Variants in MTMR12 observed in about 807,000 individuals in gnomAD.
MTMR12 encodes the protein myotubularin-related protein 12.
Under a neutral mutation model 96.7 loss-of-function variants are expected in MTMR12, and 33 were observed. The observed-to-expected ratio is 0.34, with a 90% CI of 0.26 to 0.46. The LOEUF (loss-of-function observed/expected upper bound fraction) is 0.46. Among genes scored for constraint, MTMR12 ranks in the 20% least tolerant of loss-of-function variants. The probability of loss-of-function intolerance (pLI) is 1.00; values close to 1 mark genes in which losing one functional copy is unlikely to be tolerated. For missense variants in MTMR12, 721 were observed against 896.1 expected (o/e 0.80, Z 2.49); for synonymous variants, 298 against 327.2 (o/e 0.91, Z 0.96).
intron 1 of MTMR12, among the ~76,000 whole-genome samples, chr5:32,283,544 T>C (rs1750393472): frequency 6.6e-6 from 1 of 152,186 alleles, no homozygotes; most frequent in African/African-American, 2.4e-5. Context: ...AGTCAAACCC[T>C]GTGCGCAGTC....
intron 8 of MTMR12, 88 bp from the exon 9 acceptor site, chr5:32,248,966 A>C (rs1748804754): frequency 1.0e-6 from 1 of 957,458 alleles, no homozygotes; most frequent in Non-Finnish European, 1.7e-6. Context: ...CATACAGGGA[A>C]ATCTGTAACT....
At chr5:32,288,449 CCT>C (rs937813133) in intron 1 of MTMR12, among the ~76,000 whole-genome samples, 6 of 152,128 alleles carry the variant, frequency 3.9e-5, no homozygotes, top group Non-Finnish European at 5.9e-5. Context: ...CCCCAACACC[CCT>C]GTTTGCTTCT....
chr5:32,243,491 A>G, intron 11 of MTMR12, 30 bp downstream of exon 11: 1 of 1,527,184 alleles, frequency 6.5e-7, no homozygotes, highest in South Asian at 1.1e-5. Context: ...CAATTACAAA[A>G]TTCATGAGTA....
chr5:32,311,687 T>C (rs908214853), intron 1 of MTMR12, among the ~76,000 whole-genome samples: 1 of 152,256 alleles, frequency 6.6e-6, no homozygotes, highest in Non-Finnish European at 1.5e-5. Flanking sequence ...CTACAAGTTC[T>C]GATCTCTCTA....
chr5:32,257,900 G>A (rs1463274866), intron 7 of MTMR12, among the ~76,000 whole-genome samples: 1 of 151,878 alleles, frequency 6.6e-6, no homozygotes, highest in Non-Finnish European at 1.5e-5. Flanking sequence ...AATCCCCCTC[G>A]CTACTAAAAA....
At chr5:32,284,276 C>A (rs1263888443) in intron 1 of MTMR12, among the ~76,000 whole-genome samples, 1 of 144,798 alleles carries the variant, frequency 6.9e-6, no homozygotes, top group Non-Finnish European at 1.5e-5. Flanking sequence ...TATGATTGCA[C>A]CACTGTACTC....
chr5:32,312,470 C>T lies in MTMR12; in HGVS notation c.81+288G>A, dbSNP rs2111565317. ...CACAACCCCAGGTCCTCTCCAGAAT[C>T]CCCAGGGGCGTTCCGGGCCGCAATC... On this transcript the variant is annotated intron_variant, in intron 1 of 15. Transcript: ENST00000382142. This position sits in a 1 kb window ranked among gnomAD's most constrained non-coding sequence, Gnocchi z 5.0. 6.6e-6 allele frequency among the ~76,000 whole-genome samples: 1 copy of T among 152,350 alleles called. No homozygotes were observed. The highest frequency in any genetic ancestry group is 2.1e-4 in the South Asian group (1 of 4,834).
chr5:32,257,109 C>T (rs986034463), intron 7 of MTMR12, among the ~76,000 whole-genome samples: 4 of 151,970 alleles, frequency 2.6e-5, no homozygotes, highest in Middle Eastern at 3.2e-3. Context: ...GGGAGGGCTG[C>T]TTGAGGCCAG....
At chr5:32,271,790 C>T in intron 4 of MTMR12, 43 bp downstream of exon 4, 1 of 1,212,620 alleles carries the variant, frequency 8.2e-7, no homozygotes, top group Non-Finnish European at 1.1e-6. Flanking sequence ...ATCACCTATA[C>T]TCTCAAAGGT....
rs1156699840 is a variant in MTMR12 at position 32,239,178 on chromosome 5, G to C, written c.1172-5C>G. 1 of 1,577,302 alleles carries C rather than the reference G, an allele frequency of 6.3e-7. No homozygotes were observed. The highest frequency in any genetic ancestry group is 1.8e-5 in the Admixed American group (1 of 56,766). On this transcript the variant is annotated splice_region_variant and splice_polypyrimidine_tract_variant and intron_variant, in intron 12 of 15. Coordinates refer to ENST00000382142, the MANE Select transcript of MTMR12 (RefSeq NM_001040446.3). ...AGAGGTCGGATGCATTCTCCTCTAGGAGAGGCCCCAGCAGCAGTGCAAAGA... is the reference window on the plus strand; with the variant it reads ...AGAGGTCGGATGCATTCTCCTCTAGCAGAGGCCCCAGCAGCAGTGCAAAGA...
At chr5:32,244,263 AGT>A (rs1257102526) in intron 10 of MTMR12, among the ~76,000 whole-genome samples, 1 of 150,242 alleles carries the variant, frequency 6.7e-6, no homozygotes, top group African/African-American at 2.5e-5. Context: ...TTGGCAACAG[AGT>A]GAGACCCTGT....
chr5:32,303,847 CAAAAAA>C (rs57459005), intron 1 of MTMR12, among the ~76,000 whole-genome samples: 1 of 68,400 alleles, frequency 1.5e-5, no homozygotes, highest in Admixed American at 1.9e-4. Flanking sequence ...TTTGCCATCT[CAAAAAA>C]AAAAAAAAAA....
In MTMR12 at chr5:32,312,615, G is replaced by T; in HGVS notation, c.81+143C>A. Reference sequence around the variant, plus strand: ...GCGGAGGCCCCAGCGCGCTCCTGCGGCCTCAGCCCGCCTGGCTGCCCCGTC... The same window carrying T: ...GCGGAGGCCCCAGCGCGCTCCTGCGTCCTCAGCCCGCCTGGCTGCCCCGTC... On this transcript the variant is annotated intron_variant, in intron 1 of 15. Coordinates refer to ENST00000382142, the MANE Select transcript of MTMR12 (RefSeq NM_001040446.3). The surrounding 1 kb of genome is among the most constrained non-coding windows in gnomAD (Gnocchi z 5.0). 1 of 724,572 alleles carries T rather than the reference G, an allele frequency of 1.4e-6. No individual in the cohort carries two copies. The highest frequency in any genetic ancestry group is 1.8e-6 in the Non-Finnish European group (1 of 543,028). The allele number at this position is 724,572 out of a possible 1,614,324, so 44.9% of individuals were successfully genotyped here. A position where few individuals can be genotyped will look rare whatever the true frequency, so the allele number is the denominator to read the frequency against.
intron 12 of MTMR12, among the ~76,000 whole-genome samples, chr5:32,240,758 GC>G (rs1450384467): frequency 6.6e-6 from 1 of 152,080 alleles, no homozygotes; most frequent in Non-Finnish European, 1.5e-5. Flanking sequence ...ACAGGACCAA[GC>G]CCGACTAATT....
chr5:32,308,253 C>T (rs1430561473), intron 1 of MTMR12, among the ~76,000 whole-genome samples: 2 of 151,660 alleles, frequency 1.3e-5, no homozygotes, highest in Admixed American at 6.6e-5. Context: ...ACCTGGGAGG[C>T]GGAGGTTGCA....
At chr5:32,279,746 A>G (rs1483388356) in intron 1 of MTMR12, among the ~76,000 whole-genome samples, 1 of 152,202 alleles carries the variant, frequency 6.6e-6, no homozygotes, top group Non-Finnish European at 1.5e-5. Context: ...TGATTTTGGG[A>G]TGAAACTGTT....
At chr5:32,268,603 A>C in intron 6 of MTMR12, 98 bp downstream of exon 6, 1 of 986,324 alleles carries the variant, frequency 1.0e-6, no homozygotes, top group South Asian at 1.4e-5. Flanking sequence ...AGACAGGAAA[A>C]AACAAAACAA....
At chr5:32,251,740 G>T (rs377740553) in intron 8 of MTMR12, among the ~76,000 whole-genome samples, 1 of 152,178 alleles carries the variant, frequency 6.6e-6, no homozygotes, top group Non-Finnish European at 1.5e-5. Context: ...AACCATAGAA[G>T]AGGGAAGGCC....
chr5:32,237,699 A>G (rs554228372), intron 13 of MTMR12, among the ~76,000 whole-genome samples: 79 of 151,898 alleles, frequency 5.2e-4, no homozygotes, highest in African/African-American at 1.8e-3. Context: ...TTTAGTAGAG[A>G]CGGGGTTTCA....
Sources: gnomAD v4.1 joint callset for allele counts (sites outside exome capture counted in the v4.1 genomes callset) on GRCh38, gnomAD v4.1.1 for gene constraint, Gnocchi (gnomAD v3.1) non-coding constraint, MANE v1.5 for transcripts, NCBI Gene and HGNC (gene_info 2026-07-23, HGNC 2026-07-21) for gene names.